The following LRMDA variants were observed in gnomAD, a reference collection of about 807,000 sequenced individuals.
The protein encoded by LRMDA is leucine rich melanocyte differentiation associated, also known as leucine-rich melanocyte differentiation-associated protein.
LRMDA carries 18 observed loss-of-function variants against 29.8 expected under a neutral mutation model. The observed-to-expected ratio is 0.60, with a 90% CI of 0.42 to 0.90. The LOEUF (loss-of-function observed/expected upper bound fraction) is 0.90. LRMDA is among the 40% of genes least tolerant of loss of function. The pLI is 0.00. For missense variants in LRMDA, 273 were observed against 273.9 expected (o/e 1.00, Z 0.02); for synonymous variants, 125 against 109.4 (o/e 1.14, Z -0.89).
At chr10:76,078,494 A>C (rs1848997836) in intron 5 of LRMDA, among the ~76,000 whole-genome samples, 1 of 152,130 alleles carries the variant, frequency 6.6e-6, no homozygotes, top group Non-Finnish European at 1.5e-5. Flanking sequence ...TGAGGGAATT[A>C]ATACATAGAG....
intron 5 of LRMDA, among the ~76,000 whole-genome samples, chr10:76,147,965 G>T (rs1201252322): frequency 6.6e-6 from 1 of 152,204 alleles, no homozygotes; most frequent in African/African-American, 2.4e-5. Context: ...GACCCTGTTT[G>T]CCTGGGTATC....
chr10:75,738,229 CTCCT>C (rs1237801415), intron 2 of LRMDA, among the ~76,000 whole-genome samples: 2 of 151,882 alleles, frequency 1.3e-5, no homozygotes, highest in Middle Eastern at 3.2e-3. Flanking sequence ...TCCCTGTCTC[CTCCT>C]TACCAAGGAG....
intron 5 of LRMDA, among the ~76,000 whole-genome samples, chr10:76,182,450 G>A (rs902051595): frequency 3.3e-5 from 5 of 152,146 alleles, no homozygotes; most frequent in Non-Finnish European, 4.4e-5. Context: ...TGTATGTCAG[G>A]CACTTTGCAA....
chr10:76,557,118 T>G (rs1040759691), intron 6 of LRMDA, 91 bp from the exon 7 acceptor site: 49 of 1,016,594 alleles, frequency 4.8e-5, no homozygotes, highest in Non-Finnish European at 7.3e-5. Flanking sequence ...ATTGGATCTA[T>G]GATTATCTTG....
intron 2 of LRMDA, among the ~76,000 whole-genome samples, chr10:76,027,744 G>C (rs544361521): frequency 1.3e-5 from 2 of 152,268 alleles, no homozygotes; most frequent in Admixed American, 6.5e-5. Flanking sequence ...GGACCATATG[G>C]ATGACTTTTA....
At chr10:75,884,943 C>G (rs1339323318) in intron 2 of LRMDA, among the ~76,000 whole-genome samples, 1 of 152,036 alleles carries the variant, frequency 6.6e-6, no homozygotes, top group Non-Finnish European at 1.5e-5. Context: ...CTGGGGAGAA[C>G]TCCAGTCCAG....
chr10:75,713,821 C>T (rs1842466140), intron 2 of LRMDA, among the ~76,000 whole-genome samples: 1 of 152,024 alleles, frequency 6.6e-6, no homozygotes, highest in African/African-American at 2.4e-5. Flanking sequence ...TTTCCTTCTC[C>T]CTCCCTGTCT....
chr10:75,547,136 GAGA>G (rs1392541967), intron 2 of LRMDA, among the ~76,000 whole-genome samples: 3 of 152,148 alleles, frequency 2.0e-5, no homozygotes, highest in Non-Finnish European at 4.4e-5. Context: ...CAAGGGAAGG[GAGA>G]AGAAGGATCA....
intron 2 of LRMDA, among the ~76,000 whole-genome samples, chr10:75,806,750 T>C (rs1298213384): frequency 6.6e-6 from 1 of 150,672 alleles, no homozygotes; most frequent in Non-Finnish European, 1.5e-5. Flanking sequence ...GTTGGTTTGC[T>C]GTGTGCTAGG....
chr10:76,559,852 A>C lies in LRMDA; in HGVS notation c.*2564A>C, dbSNP rs1168429248. On this transcript the variant is annotated 3_prime_UTR_variant, in exon 7 of 7. Transcript: ENST00000611255. ...CTGACTTGAGTGGAGAGACCTCGGC[A>C]ATTCAAGGCTGTCCTGCAGCTCTCT... The C allele has an allele frequency of 6.6e-6, 1 of 152,194 alleles. No individual in the cohort carries two copies. Among genetic ancestry groups the C allele is most frequent in the African/African-American group, 2.4e-5 (1 of 41,450 alleles). The allele number at this position is 152,194 out of a possible 1,614,324, so 9.4% of individuals were successfully genotyped here.
intron 2 of LRMDA, among the ~76,000 whole-genome samples, chr10:75,997,900 C>T (rs994295440): frequency 2.6e-5 from 4 of 152,228 alleles, no homozygotes; most frequent in Admixed American, 6.5e-5. Flanking sequence ...CTCCCCCTCT[C>T]TCCCCAACTC....
chr10:75,574,039 G>A (rs1840470971), intron 2 of LRMDA, among the ~76,000 whole-genome samples: 1 of 151,790 alleles, frequency 6.6e-6, no homozygotes, highest in Non-Finnish European at 1.5e-5. Context: ...TGGACTAGTA[G>A]AGTTTCTTTT....
At chr10:75,741,133 G>C (rs1842823810) in intron 2 of LRMDA, among the ~76,000 whole-genome samples, 1 of 152,210 alleles carries the variant, frequency 6.6e-6, no homozygotes, top group South Asian at 2.1e-4. Flanking sequence ...AAGAGTATCA[G>C]ATAGGAAACA....
intron 5 of LRMDA, among the ~76,000 whole-genome samples, chr10:76,171,506 G>C (rs1429624605): frequency 6.6e-6 from 1 of 152,188 alleles, no homozygotes; most frequent in Admixed American, 6.5e-5. Flanking sequence ...TGAGTGGTTA[G>C]GCTGGGTTCA....
At chr10:76,287,515 C>G (rs1840287491) in intron 5 of LRMDA, among the ~76,000 whole-genome samples, 2 of 151,982 alleles carry the variant, frequency 1.3e-5, no homozygotes. Context: ...TCCTGCAATT[C>G]TTTGGTATCT....
chr10:76,478,167 A>T (rs1371482522), intron 6 of LRMDA, among the ~76,000 whole-genome samples: 4 of 152,172 alleles, frequency 2.6e-5, no homozygotes, highest in African/African-American at 9.7e-5. Context: ...CAAAGGGCTA[A>T]TATCCAGAAT....
At chr10:75,856,263 C>T (rs1004923821) in intron 2 of LRMDA, among the ~76,000 whole-genome samples, 4 of 152,110 alleles carry the variant, frequency 2.6e-5, no homozygotes, top group African/African-American at 9.7e-5. Context: ...TGTAGTTCTC[C>T]TTGAAGAGGT....
At chr10:75,799,396 G>A (rs1843708814) in intron 2 of LRMDA, among the ~76,000 whole-genome samples, 1 of 151,994 alleles carries the variant, frequency 6.6e-6, no homozygotes, top group African/African-American at 2.4e-5. Flanking sequence ...TTTTTTTGCA[G>A]CCTATATATG....
rs1055007016 is a variant in LRMDA, at chr10:75,872,101, T to C, written c.132-163907T>C. 2.6e-5 allele frequency among the ~76,000 whole-genome samples: 4 copies of C among 152,302 alleles called. No individual in the cohort carries two copies. In the South Asian group the frequency reaches 8.3e-4, roughly 32 times the overall value. ...GTACGGTACTTTTAAATTTCTACTT[T>C]ATGTTTTTTTACGTGTCTTAACTTC... On this transcript the variant is annotated intron_variant, in intron 2 of 6. Coordinates refer to ENST00000611255, the MANE Select transcript of LRMDA (RefSeq NM_001305581.2).
Sources: allele counts gnomAD v4.1 joint callset (sites outside exome capture counted in the v4.1 genomes callset), GRCh38; gene constraint gnomAD v4.1.1; transcripts MANE v1.5; gene names NCBI Gene and HGNC (gene_info 2026-07-23, HGNC 2026-07-21).